OVOL2: variants seen among roughly 807,000 people sequenced by gnomAD.
The protein encoded by OVOL2 is transcription factor Ovo-like 2.
Under a neutral mutation model 18.1 loss-of-function variants are expected in OVOL2, and 13 were observed. That is an observed-to-expected ratio of 0.72 (90% CI 0.47 to 1.14). The LOEUF (loss-of-function observed/expected upper bound fraction) is 1.14. Among genes scored for constraint, OVOL2 ranks in the 50% most tolerant of loss-of-function variants. OVOL2 has a pLI of 0.00. For synonymous variants in OVOL2, 166 were observed against 162.7 expected, an observed-to-expected ratio of 1.02 and a Z score of -0.16; for missense variants, 335 against 383.0, an observed-to-expected ratio of 0.87 and a Z score of 1.05.
In OVOL2 at chr20:18,057,515, C is replaced by T; in HGVS notation, c.100+20G>A. On this transcript the variant is annotated intron_variant, in intron 1 of 3. Coordinates refer to ENST00000278780, the MANE Select transcript of OVOL2 (RefSeq NM_021220.4). The surrounding 1 kb of genome is among the most constrained non-coding windows in gnomAD (Gnocchi z 6.3). ...ACCCCGGGAGCCCAGCGCCCAGGCC[C>T]GGCCCCCGCGCGCGCTCACCTGGGA... 6.5e-7 allele frequency: 1 copy of T among 1,549,268 alleles called. No homozygotes were observed.
chr20:18,037,557 C>G, intron 3 of OVOL2, among the ~76,000 whole-genome samples: 1 of 152,248 alleles, frequency 6.6e-6, no homozygotes, highest in East Asian at 1.9e-4. Context: ...GGATGCCCCA[C>G]TCATATCCCC....
Position 18,057,585 on chromosome 20 carries a change from C to T in OVOL2, c.50G>A (p.Arg17His), listed in dbSNP as rs2036842170. ...CTCATCCGGGAGCTCATCCCAGCTG[C>T]GGACCGAGACCCCCAGGCTCCTCCT... ...VKRRSLGVSV[R>H]SWDELPDEKR... The change falls in exon 1 of 4, where the codon CGC becomes CAC. Residue 17 changes from arginine (R) to histidine (H), a missense_variant. Transcript: ENST00000278780. This position sits in a 1 kb window ranked among gnomAD's most constrained non-coding sequence, Gnocchi z 6.3. 2 of 1,598,060 alleles carry T rather than the reference C, an allele frequency of 1.3e-6. No individual in the cohort carries two copies. The highest frequency in any genetic ancestry group is 1.3e-5 in the African/African-American group (1 of 74,492).
At position 18,057,710 on chromosome 20, in the gene OVOL2, C is replaced by A; in HGVS notation, c.-76G>T. The A allele has an allele frequency of 4.1e-6, 6 of 1,470,542 alleles. No individual in the cohort carries two copies. Among genetic ancestry groups the A allele is most frequent in the Non-Finnish European group, 5.4e-6 (6 of 1,112,568 alleles). The allele number at this position is 1,470,542 out of a possible 1,614,324, so 91.1% of individuals were successfully genotyped here. A position where few individuals can be genotyped will look rare whatever the true frequency, so the allele number is the denominator to read the frequency against. On this transcript the variant is annotated 5_prime_UTR_variant, in exon 1 of 4. Transcript: ENST00000278780. The surrounding 1 kb of genome is among the most constrained non-coding windows in gnomAD (Gnocchi z 6.3). ...CTAGGGGCAACGGCGGCGGCTCCGT[C>A]CCCGGCTCCCGGCGGCCAGAGCCCA...
chr20:18,024,837 C>A lies in OVOL2; in HGVS notation c.627G>T (p.Arg209=). ...GVQQQYAYKQ[R]RDKLYVCEDC... The stretch of plus-strand genomic sequence containing the variant: ...CCTCGCAGACGTAGAGCTTGTCCCG[C>A]CGCTGCTTATAGGCATACTGCTGCT... Residue 209 remains arginine (R), a synonymous_variant, in exon 4 of 4, where the codon CGG becomes CGT. Coordinates refer to ENST00000278780, the MANE Select transcript of OVOL2 (RefSeq NM_021220.4). The A allele has an allele frequency of 6.2e-7, 1 of 1,614,224 alleles. No individual in the cohort carries two copies. The highest frequency in any genetic ancestry group is 8.5e-7 in the Non-Finnish European group (1 of 1,180,046).
chr20:18,026,079 A>C (rs2122684659), intron 3 of OVOL2, among the ~76,000 whole-genome samples: 1 of 152,360 alleles, frequency 6.6e-6, no homozygotes, highest in Non-Finnish European at 1.5e-5. Context: ...CTGGGCTAAC[A>C]CTGGACCTGC....
At chr20:18,045,968 C>T (rs755408173) in intron 2 of OVOL2, among the ~76,000 whole-genome samples, 1 of 152,154 alleles carries the variant, frequency 6.6e-6, no homozygotes, top group Non-Finnish European at 1.5e-5. Flanking sequence ...GCTGAGTCAC[C>T]AAGAAGTGGC....
In OVOL2 at chr20:18,027,523, G is replaced by A. The variant is rs202239961; in HGVS notation, c.512-2571C>T. Among the ~76,000 whole-genome samples the A allele has an allele frequency of 1.3e-3, 94 of 74,930 alleles. No individual in the cohort carries two copies. In the East Asian group the frequency reaches 0.033, roughly 26 times the overall value. 49.2% of individuals were successfully genotyped at this position (74,930 alleles called of 152,430 possible). A position where few individuals can be genotyped will look rare whatever the true frequency, so the allele number is the denominator to read the frequency against. On this transcript the variant is annotated intron_variant, in intron 3 of 3. Transcript: ENST00000278780. Reference sequence around the variant, plus strand: ...AGCCTGCGCAACAGAGCGCGACTCCGTCTCCAAAAAAAAAAAAAATAAGTA... The same window carrying A: ...AGCCTGCGCAACAGAGCGCGACTCCATCTCCAAAAAAAAAAAAAATAAGTA...
Position 18,057,412 on chromosome 20 carries a change from G to T in OVOL2, c.100+123C>A. 2 of 1,138,274 alleles carry T rather than the reference G, an allele frequency of 1.8e-6. No homozygotes were observed. The highest frequency in any genetic ancestry group is 2.5e-6 in the Non-Finnish European group (2 of 810,646). 70.5% of individuals were successfully genotyped at this position (1,138,274 alleles called of 1,614,324 possible). A position where few individuals can be genotyped will look rare whatever the true frequency, so the allele number is the denominator to read the frequency against. On this transcript the variant is annotated intron_variant, in intron 1 of 3. Transcript: ENST00000278780. This position sits in a 1 kb window ranked among gnomAD's most constrained non-coding sequence, Gnocchi z 6.3. ...CCTAACCCGCCTAGAAGACCCCCGC[G>T]TGCCCCCCGGAAGAGGGGGATGAGG...
chr20:18,032,236 GGAA>G (rs2036576410), intron 3 of OVOL2, among the ~76,000 whole-genome samples: 1 of 148,558 alleles, frequency 6.7e-6, no homozygotes, highest in East Asian at 2.0e-4. Context: ...AAGGAAGCGA[GGAA>G]GAAGGGAAGG....
intron 3 of OVOL2, among the ~76,000 whole-genome samples, chr20:18,036,081 G>A (rs926020807): frequency 6.6e-6 from 1 of 152,014 alleles, no homozygotes; most frequent in Non-Finnish European, 1.5e-5. Context: ...ATCACCTGAG[G>A]TCAGGAGTTC....
At chr20:18,052,666 G>A (rs1363809271) in intron 2 of OVOL2, among the ~76,000 whole-genome samples, 1 of 152,162 alleles carries the variant, frequency 6.6e-6, no homozygotes, top group Admixed American at 6.6e-5. Flanking sequence ...ATAGAGAGCC[G>A]GGTAAAAGGC....
Position 18,056,970 on chromosome 20 carries a change from C to A in OVOL2, c.101-93G>T. On this transcript the variant is annotated intron_variant, in intron 1 of 3. Transcript: ENST00000278780. This position sits in a 1 kb window ranked among gnomAD's most constrained non-coding sequence, Gnocchi z 4.2. The stretch of plus-strand genomic sequence containing the variant: ...ACCTGCGGGCGGTGCTGCCGCCGCC[C>A]CGCCCCGGACCTGGGCACCTCGCCA... 1.5e-6 allele frequency: 2 copies of A among 1,339,854 alleles called. No homozygotes were observed. Among genetic ancestry groups the A allele is most frequent in the Non-Finnish European group, 1.9e-6 (2 of 1,042,148 alleles). The allele number at this position is 1,339,854 out of a possible 1,614,324, so 83.0% of individuals were successfully genotyped here.
chr20:18,047,870 A>AG lies in OVOL2; in HGVS notation c.322-6148_322-6147insC, dbSNP rs1198926208. On this transcript the variant is annotated intron_variant, in intron 2 of 3. Coordinates refer to ENST00000278780, the MANE Select transcript of OVOL2 (RefSeq NM_021220.4). Reference sequence around the variant, plus strand: ...CTCCGTCTCAAAAAAAAAAAAAAAAAAAAAAAAGAAAGAAATGAAGAAATT... The same window carrying AG: ...CTCCGTCTCAAAAAAAAAAAAAAAAAGAAAAAAAGAAAGAAATGAAGAAATT... Among the ~76,000 whole-genome samples the AG allele has an allele frequency of 2.7e-3, 410 of 151,220 alleles. 4 individuals carry two copies. The highest frequency in any genetic ancestry group is 9.4e-3 in the African/African-American group (389 of 41,184).
chr20:18,050,863 T>G (rs1042051533), intron 2 of OVOL2: 1 of 152,084 alleles, frequency 6.6e-6, no homozygotes, highest in Non-Finnish European at 1.5e-5. Flanking sequence ...CTCTGATGGA[T>G]CTAGAGTGGA....
chr20:18,043,767 C>T (rs1021131635), intron 2 of OVOL2, among the ~76,000 whole-genome samples: 2 of 152,306 alleles, frequency 1.3e-5, no homozygotes, highest in East Asian at 1.9e-4. Context: ...CTACCACCTT[C>T]GCTGCTGCTA....
intron 3 of OVOL2, among the ~76,000 whole-genome samples, chr20:18,026,625 C>A (rs1050694995): frequency 6.6e-6 from 1 of 152,176 alleles, no homozygotes; most frequent in Admixed American, 6.6e-5. Context: ...TTGTGATCTG[C>A]CCCCCTCGGC....
chr20:18,055,199 TA>T (rs1458153374), intron 2 of OVOL2, among the ~76,000 whole-genome samples: 1 of 152,144 alleles, frequency 6.6e-6, no homozygotes, highest in East Asian at 1.9e-4. Context: ...AGAGTTTGCC[TA>T]AAATATTTGT....
chr20:18,048,475 C>T lies in OVOL2; in HGVS notation c.322-6752G>A, dbSNP rs142859823. ...GGTATAGTGGCTCATGCCTGTAATC[C>T]CAGCACTTTGAGAGGTGTAGGCAGG... On this transcript the variant is annotated intron_variant, in intron 2 of 3. Transcript: ENST00000278780. 6.4e-3 allele frequency among the ~76,000 whole-genome samples: 979 copies of T among 152,120 alleles called. 13 individuals carry two copies. The highest frequency in any genetic ancestry group is 0.022 in the African/African-American group (922 of 41,480).
upstream of OVOL2, among the ~76,000 whole-genome samples, chr20:18,058,356 T>G (rs189158158): frequency 2.0e-3 from 302 of 151,382 alleles, 1 homozygote; most frequent in African/African-American, 5.4e-3. Flanking sequence ...TGATTATTAA[T>G]AATGGGGGGT....
Sources: allele counts gnomAD v4.1 joint callset (sites outside exome capture counted in the v4.1 genomes callset), GRCh38; gene constraint gnomAD v4.1.1; non-coding constraint Gnocchi (gnomAD v3.1); transcripts MANE v1.5; gene names NCBI Gene and HGNC (gene_info 2026-07-23, HGNC 2026-07-21).